The following CSNK1E variants were observed in gnomAD, a reference collection of about 807,000 sequenced individuals.
CSNK1E encodes the protein casein kinase 1 epsilon.
A neutral mutation model predicts 46.1 loss-of-function variants in CSNK1E; 17 were observed. The ratio of observed to expected loss-of-function variants is 0.37; its 90% CI spans 0.25 to 0.55. The LOEUF is 0.55. Ranked by LOEUF, CSNK1E falls within the 20% of genes least tolerant of loss-of-function variation. CSNK1E has a pLI of 0.82. For missense variants in CSNK1E, 386 were observed against 595.4 expected (o/e 0.65, Z 3.66); for synonymous variants, 241 against 242.6 (o/e 0.99, Z 0.06).
In CSNK1E at chr22:38,303,000, G is replaced by A. The variant is rs1455272021; in HGVS notation, c.197C>T (p.Pro66Leu). The change falls in exon 4 of 11, where the codon CCG becomes CTG. Residue 66 changes from proline to leucine, a missense_variant. By Grantham distance (98) the Pro-to-Leu change is moderately conservative (BLOSUM62 -3). Coordinates refer to ENST00000396832, the MANE Select transcript of CSNK1E (RefSeq NM_152221.3). ...YKMMQGGVGI[P>L]SIKWCGAEGD... is the part of the protein sequence containing the mutation. ...CTCAGCTCCGCACCACTTGATGGAC[G>A]GGATCCCCACTGGGGGTCAAGCAGA... 1.9e-6 allele frequency: 3 copies of A among 1,613,764 alleles called. No individual in the cohort carries two copies. Among genetic ancestry groups the A allele is most frequent in the Non-Finnish European group, 2.5e-6 (3 of 1,179,972 alleles).
intron 2 of CSNK1E, among the ~76,000 whole-genome samples, chr22:38,307,931 T>G (rs2092705464): frequency 6.6e-6 from 1 of 152,144 alleles, no homozygotes; most frequent in Non-Finnish European, 1.5e-5. Context: ...CTCAAGTGAT[T>G]CACCTGCCTC....
At chr22:38,297,148 G>A (rs2145831063) in intron 7 of CSNK1E, 1 of 778,972 alleles carries the variant, frequency 1.3e-6, no homozygotes, top group East Asian at 2.4e-5. Context: ...ATCTTGGACA[G>A]TGTCCGTCTA....
Position 38,293,300 on chromosome 22 carries a change from T to C in CSNK1E, c.1238A>G (p.His413Arg), listed in dbSNP as rs35665927. Residue 413 changes from histidine to arginine, a missense_variant, in exon 10 of 11, where the codon CAT becomes CGT. By Grantham distance (29) the His-to-Arg change is conservative. This residue lies in a region of CSNK1E where 174 missense variants were observed against 185.2 expected (regional missense o/e 0.94). Transcript: ENST00000396832. ...TGGGGGCTCTCCTCACTTCCCGAGA[T>C]GGTCAAATGGCACACTTGTCTTTTG... Reference protein sequence around the residue: ...PASQTSVPFDHLGK With the variant: ...PASQTSVPFDRLGK 171 of 1,610,900 alleles carry C rather than the reference T, an allele frequency of 1.1e-4. No homozygotes were observed. Among genetic ancestry groups the C allele is most frequent in the Non-Finnish European group, 1.3e-4 (156 of 1,178,830 alleles).
chr22:38,311,437 G>C (rs538966941), intron 2 of CSNK1E, among the ~76,000 whole-genome samples: 1 of 152,138 alleles, frequency 6.6e-6, no homozygotes, highest in East Asian at 1.9e-4. Flanking sequence ...ACAAGATTCT[G>C]GATTTTCTGA....
At position 38,296,293 on chromosome 22, in the gene CSNK1E, T is replaced by C. The variant is rs936275683; in HGVS notation, c.886-1759A>G. On this transcript the variant is annotated intron_variant, in intron 7 of 10. Coordinates refer to ENST00000396832, the MANE Select transcript of CSNK1E (RefSeq NM_152221.3). ...CCACCCGTCATCATATGGACCTCTGTCCTTGGCTGTGTTGAATTCCTTCCC... is the reference window on the plus strand; with the variant it reads ...CCACCCGTCATCATATGGACCTCTGCCCTTGGCTGTGTTGAATTCCTTCCC... 26 of 1,302,976 alleles carry C rather than the reference T, an allele frequency of 2.0e-5. No individual in the cohort carries two copies. The South Asian group carries it at 2.6e-4, about 13-fold the overall frequency. The allele number at this position is 1,302,976 out of a possible 1,614,324, so 80.7% of individuals were successfully genotyped here. A position where few individuals can be genotyped will look rare whatever the true frequency, so the allele number is the denominator to read the frequency against.
At chr22:38,310,380 C>A (rs539043507) in intron 2 of CSNK1E, among the ~76,000 whole-genome samples, 1 of 152,166 alleles carries the variant, frequency 6.6e-6, no homozygotes, top group South Asian at 2.1e-4. Flanking sequence ...CAGCCTCACA[C>A]GGGGGCCTAC....
At chr22:38,297,041 TG>T (rs2092644511) in intron 7 of CSNK1E, 1 of 729,730 alleles carries the variant, frequency 1.4e-6, no homozygotes, top group South Asian at 1.4e-5. Context: ...CCCAAAGTGC[TG>T]GGATTACAGG....
At chr22:38,311,509 G>A (rs542321360) in intron 2 of CSNK1E, among the ~76,000 whole-genome samples, 19 of 152,172 alleles carry the variant, frequency 1.2e-4, no homozygotes, top group African/African-American at 3.6e-4. Context: ...AAAGAGCGAC[G>A]GGACCTGGGA....
intron 1 of CSNK1E, among the ~76,000 whole-genome samples, chr22:38,315,459 C>T (rs1169501179): frequency 6.6e-6 from 1 of 152,246 alleles, no homozygotes; most frequent in Non-Finnish European, 1.5e-5. Flanking sequence ...AGGGCCGCTG[C>T]CCATATGCTT....
intron 2 of CSNK1E, 136 bp downstream of exon 2, chr22:38,313,946 C>G: frequency 1.3e-6 from 1 of 764,984 alleles, no homozygotes; most frequent in Non-Finnish European, 2.2e-6. Flanking sequence ...CTTCCTTCCC[C>G]ATCTGGGATG....
At chr22:38,317,754 T>C (rs2092756157), upstream of CSNK1E, among the ~76,000 whole-genome samples, 1 of 151,762 alleles carries the variant, frequency 6.6e-6, no homozygotes, top group Admixed American at 6.6e-5. Flanking sequence ...ACCCAAAGTC[T>C]CCTCTCCCCG....
rs745876082 is a variant in CSNK1E at position 38,300,676 on chromosome 22, C to A, written c.565+48G>T. The A allele has an allele frequency of 1.3e-6, 2 of 1,570,328 alleles. No individual in the cohort carries two copies. Among genetic ancestry groups the A allele is most frequent in the Admixed American group, 3.4e-5 (2 of 59,412 alleles). ...TGAGAGGGCTCCAGAGAGCTGGGCCCCAGCCAGTGGCCCCGGGTGCACACT... is the reference window on the plus strand; with the variant it reads ...TGAGAGGGCTCCAGAGAGCTGGGCCACAGCCAGTGGCCCCGGGTGCACACT... On this transcript the variant is annotated intron_variant, in intron 5 of 10. Coordinates refer to ENST00000396832, the MANE Select transcript of CSNK1E (RefSeq NM_152221.3). This position sits in a 1 kb window ranked among gnomAD's most constrained non-coding sequence, Gnocchi z 4.4.
intron 4 of CSNK1E, 72 bp from the exon 5 acceptor site, chr22:38,301,024 G>T (rs987981535): frequency 3.8e-6 from 5 of 1,302,408 alleles, no homozygotes; most frequent in Middle Eastern, 1.9e-4. Context: ...CAGGGGCTGG[G>T]GCCACAGAGG....
Position 38,298,906 on chromosome 22 carries a change from G to A in CSNK1E, c.765C>T (p.Cys255=). The A allele has an allele frequency of 6.2e-7, 1 of 1,614,210 alleles. No individual in the cohort carries two copies. The highest frequency in any genetic ancestry group is 2.2e-5 in the East Asian group (1 of 44,880). The change falls in exon 7 of 11, where the codon TGC becomes TGT. Residue 255 remains cysteine (C), a synonymous_variant. Coordinates refer to ENST00000396832, the MANE Select transcript of CSNK1E (RefSeq NM_152221.3). This position sits in a 1 kb window ranked among gnomAD's most constrained non-coding sequence, Gnocchi z 4.2. ...PSEFSTYLNF[C]RSLRFDDKPD... ...GCTTGTCGTCAAACCGCAGGGAGCG[G>A]CAGAAGTTGAGGTATGTTGAGAATT...
intron 9 of CSNK1E, among the ~76,000 whole-genome samples, chr22:38,293,629 G>A (rs1261231902): frequency 3.3e-5 from 5 of 152,098 alleles, no homozygotes; most frequent in Non-Finnish European, 7.4e-5. Flanking sequence ...ACGAGGGCAG[G>A]GCTCCCACCC....
At chr22:38,306,513 A>AAGAGGT (rs1396869701) in intron 2 of CSNK1E, among the ~76,000 whole-genome samples, 1 of 152,180 alleles carries the variant, frequency 6.6e-6, no homozygotes, top group Non-Finnish European at 1.5e-5. Flanking sequence ...CAGGCGGATC[A>AAGAGGT]CAAGGTCAAG....
chr22:38,293,252 C>T lies in CSNK1E; in HGVS notation c.*32+3G>A, dbSNP rs777155984. The T allele has an allele frequency of 1.9e-6, 3 of 1,612,182 alleles. No homozygotes were observed. The highest frequency in any genetic ancestry group is 1.7e-5 in the Admixed American group (1 of 59,986). On this transcript the variant is annotated splice_donor_region_variant and intron_variant, in intron 10 of 10. Coordinates refer to ENST00000396832, the MANE Select transcript of CSNK1E (RefSeq NM_152221.3). ...GCTGCATCTGCAGCAGTCATGGACT[C>T]ACCTAAGCAAACACTGGTCCAATGG...
rs535054889 is a variant in CSNK1E, at chr22:38,303,108, G to A, written c.187+30C>T. 9 of 903,024 alleles carry A rather than the reference G, an allele frequency of 1.0e-5. No homozygotes were observed. Among genetic ancestry groups the A allele is most frequent in the Middle Eastern group, 2.4e-4 (1 of 4,192 alleles). The allele number at this position is 903,024 out of a possible 1,614,324, so 55.9% of individuals were successfully genotyped here. A position where few individuals can be genotyped will look rare whatever the true frequency, so the allele number is the denominator to read the frequency against. On this transcript the variant is annotated intron_variant, in intron 3 of 10. Transcript: ENST00000396832. The surrounding 1 kb of genome is among the most constrained non-coding windows in gnomAD (Gnocchi z 4.7). ...CATGGCTGCCCACCGCCACCCACCC[G>A]GCGCCCGCCGCCGCCCACCCTGCGC...
chr22:38,312,583 C>T (rs1355709833), intron 2 of CSNK1E, among the ~76,000 whole-genome samples: 1 of 152,182 alleles, frequency 6.6e-6, no homozygotes, highest in African/African-American at 2.4e-5. Flanking sequence ...AAACCAGCTG[C>T]ACCACACACT....
Sources: gnomAD v4.1 joint callset for allele counts (sites outside exome capture counted in the v4.1 genomes callset) on GRCh38, gnomAD v4.1.1 for gene constraint, gnomAD v4.1.1 regional missense constraint, Gnocchi (gnomAD v3.1) non-coding constraint, MANE v1.5 for transcripts, NCBI Gene and HGNC (gene_info 2026-07-23, HGNC 2026-07-21) for gene names.